Variants in FGGY observed in about 807,000 individuals in gnomAD.
The protein encoded by FGGY is FGGY carbohydrate kinase domain containing.
Under a neutral mutation model 71.3 loss-of-function variants are expected in FGGY, and 72 were observed. That is an observed-to-expected ratio of 1.01 (90% CI 0.84 to 1.23). FGGY has a LOEUF of 1.23. Ranked by LOEUF, FGGY falls within the 50% of genes most tolerant of loss-of-function variation. FGGY has a pLI of 0.00. For missense variants in FGGY, 668 were observed against 682.3 expected, an observed-to-expected ratio of 0.98 and a Z score of 0.23; for synonymous variants, 251 against 250.3, an observed-to-expected ratio of 1.00 and a Z score of -0.02.
intron 13 of FGGY, among the ~76,000 whole-genome samples, chr1:59,667,728 T>C (rs978788896): frequency 5.3e-5 from 8 of 152,170 alleles, no homozygotes; most frequent in African/African-American, 1.9e-4. Flanking sequence ...GTGGAGAATA[T>C]TGAAGATACG....
At chr1:59,412,561 C>T (rs1171995384) in intron 5 of FGGY, among the ~76,000 whole-genome samples, 1 of 152,122 alleles carries the variant, frequency 6.6e-6, no homozygotes, top group Non-Finnish European at 1.5e-5. Flanking sequence ...CTCGGGGACC[C>T]AGGAAAAGAT....
chr1:59,305,013 A>G (rs1413054116), intron 1 of FGGY, among the ~76,000 whole-genome samples: 3 of 152,120 alleles, frequency 2.0e-5, no homozygotes, highest in Non-Finnish European at 4.4e-5. Context: ...TAAACAGACA[A>G]TGTTATCCCT....
intron 14 of FGGY, among the ~76,000 whole-genome samples, chr1:59,744,122 T>G (rs1195344174): frequency 2.6e-5 from 4 of 152,228 alleles, no homozygotes; most frequent in Admixed American, 1.3e-4. Context: ...TTTCAGTGGT[T>G]TGTATGCATT....
At chr1:59,395,012 C>T (rs764229195) in intron 5 of FGGY, among the ~76,000 whole-genome samples, 15 of 151,834 alleles carry the variant, frequency 9.9e-5, no homozygotes, top group Non-Finnish European at 1.8e-4. Flanking sequence ...ATTCACCCTT[C>T]GAGACCCAAC....
At chr1:59,538,403 A>C (rs1183910743) in intron 7 of FGGY, among the ~76,000 whole-genome samples, 1 of 152,070 alleles carries the variant, frequency 6.6e-6, no homozygotes, top group East Asian at 1.9e-4. Context: ...GTGGGACTGT[A>C]AACTAGTTGA....
intron 1 of FGGY, among the ~76,000 whole-genome samples, chr1:59,317,698 G>A (rs1260190180): frequency 2.0e-5 from 3 of 152,252 alleles, no homozygotes; most frequent in Middle Eastern, 3.4e-3. Flanking sequence ...GAACATCCCT[G>A]CTTTCAGGTT....
chr1:59,717,469 T>G (rs2097853912), intron 14 of FGGY, among the ~76,000 whole-genome samples: 1 of 152,086 alleles, frequency 6.6e-6, no homozygotes, highest in Admixed American at 6.5e-5. Context: ...AAAGGATCAG[T>G]TCTTTCAACA....
intron 5 of FGGY, among the ~76,000 whole-genome samples, chr1:59,430,121 T>G (rs573544363): frequency 2.4e-4 from 37 of 152,234 alleles, no homozygotes; most frequent in Non-Finnish European, 4.7e-4. Context: ...GTTTTGCATG[T>G]GAAGAGCTAA....
intron 7 of FGGY, among the ~76,000 whole-genome samples, chr1:59,525,752 C>T (rs2094958851): frequency 6.6e-6 from 1 of 152,156 alleles, no homozygotes; most frequent in Admixed American, 6.5e-5. Flanking sequence ...GAGCTTCTAT[C>T]CTACTGGGGA....
chr1:59,410,843 A>T (rs1330801720), intron 5 of FGGY, among the ~76,000 whole-genome samples: 1 of 152,224 alleles, frequency 6.6e-6, no homozygotes, highest in Non-Finnish European at 1.5e-5. Flanking sequence ...TGTAATGTAT[A>T]TATAAGGTTA....
At chr1:59,316,979 A>G (rs2153110772) in intron 1 of FGGY, among the ~76,000 whole-genome samples, 1 of 152,262 alleles carries the variant, frequency 6.6e-6, no homozygotes, top group South Asian at 2.1e-4. Context: ...CACCATTCAT[A>G]ATGCGGTCTT....
At chr1:59,607,243 C>T (rs991063673) in intron 8 of FGGY, among the ~76,000 whole-genome samples, 3 of 152,212 alleles carry the variant, frequency 2.0e-5, no homozygotes, top group African/African-American at 7.2e-5. Context: ...ACTGAACAGA[C>T]TCAGCTCTGT....
intron 8 of FGGY, among the ~76,000 whole-genome samples, chr1:59,589,883 G>A (rs78447705): frequency 0.18 from 26,609 of 151,660 alleles, 2,803 homozygotes; most frequent in South Asian, 0.35. Context: ...AAGAACTAGA[G>A]AAGCAAGAGC....
intron 14 of FGGY, chr1:59,698,922 C>T (rs1558836462): frequency 8.1e-6 from 8 of 985,242 alleles, no homozygotes; most frequent in African/African-American, 1.7e-5. Flanking sequence ...TAAATATGCT[C>T]CTAGCAGCCA....
chr1:59,451,506 G>A (rs1472230075), intron 5 of FGGY, among the ~76,000 whole-genome samples: 1 of 151,210 alleles, frequency 6.6e-6, no homozygotes, highest in African/African-American at 2.4e-5. Context: ...ATGCATATAT[G>A]TATATGTTTA....
chr1:59,676,147 C>T (rs926437605), intron 14 of FGGY, among the ~76,000 whole-genome samples: 1 of 152,002 alleles, frequency 6.6e-6, no homozygotes, highest in African/African-American at 2.4e-5. Flanking sequence ...GTTATAGTAG[C>T]CTGAGATAAG....
chr1:59,318,745 T>G (rs1156490298), intron 1 of FGGY: 1 of 152,248 alleles, frequency 6.6e-6, no homozygotes, highest in Non-Finnish European at 1.5e-5. Flanking sequence ...GATTTTTCAT[T>G]TCCTATTTAT....
chr1:59,607,666 G>T lies in FGGY; in HGVS notation c.904-137G>T, dbSNP rs1558524274. 1.4e-5 allele frequency: 8 copies of T among 587,576 alleles called. 1 individual carries two copies. Among genetic ancestry groups the T allele is most frequent in the Non-Finnish European group, 3.0e-6 (1 of 332,588 alleles). 36.4% of individuals were successfully genotyped at this position (587,576 alleles called of 1,614,324 possible). ...AAAAAAAGGAGCCATGGCCTTTCTT[G>T]GGAGAGAGTGACTTCCCCACCATAA... On this transcript the variant is annotated intron_variant, in intron 8 of 15. Coordinates refer to ENST00000303721, the MANE Select transcript of FGGY (RefSeq NM_018291.5).
chr1:59,630,184 AC>A (rs1264148612), intron 10 of FGGY, among the ~76,000 whole-genome samples: 1 of 152,252 alleles, frequency 6.6e-6, no homozygotes, highest in African/African-American at 2.4e-5. Context: ...CATGAGGGTA[AC>A]CACACCCATA....
Sources: allele counts gnomAD v4.1 joint callset (sites outside exome capture counted in the v4.1 genomes callset), GRCh38; gene constraint gnomAD v4.1.1; transcripts MANE v1.5; gene names NCBI Gene and HGNC (gene_info 2026-07-23, HGNC 2026-07-21).